The following SORBS2 variants were observed in gnomAD, a reference collection of about 807,000 sequenced individuals.
The protein encoded by SORBS2 is sorbin and SH3 domain containing 2, also known as sorbin and SH3 domain-containing protein 2.
SORBS2 carries 46 observed loss-of-function variants against 97.7 expected under a neutral mutation model. The ratio of observed to expected loss-of-function variants is 0.47; its 90% CI spans 0.37 to 0.60. The LOEUF (loss-of-function observed/expected upper bound fraction) is 0.60, where lower values mean the gene tolerates loss of function less well. Ranked by LOEUF, SORBS2 falls within the 20% of genes least tolerant of loss-of-function variation. The pLI, the probability that SORBS2 is intolerant of heterozygous loss-of-function variation, is 0.00. For synonymous variants in SORBS2, 476 were observed against 473.4 expected (o/e 1.01, Z -0.07); for missense variants, 1,316 against 1,282.3 (o/e 1.03, Z -0.40).
chr4:185,631,265 A>T (rs1441471276), intron 4 of SORBS2, among the ~76,000 whole-genome samples: 2 of 152,268 alleles, frequency 1.3e-5, no homozygotes, highest in Non-Finnish European at 2.9e-5. Flanking sequence ...CTAATGAAGC[A>T]AAATATAACT....
intron 4 of SORBS2, among the ~76,000 whole-genome samples, chr4:185,670,206 A>C (rs1582338537): frequency 6.6e-6 from 1 of 152,226 alleles, no homozygotes; most frequent in East Asian, 1.9e-4. Context: ...GTGACAGAGC[A>C]AGACTCTGTC....
At chr4:185,727,291 C>T (rs952867101) in intron 2 of SORBS2, among the ~76,000 whole-genome samples, 1 of 152,152 alleles carries the variant, frequency 6.6e-6, no homozygotes, top group African/African-American at 2.4e-5. Flanking sequence ...GACCCTATTG[C>T]TTATGCCGTC....
At chr4:185,729,339 A>T (rs933661574) in intron 2 of SORBS2, among the ~76,000 whole-genome samples, 2 of 152,220 alleles carry the variant, frequency 1.3e-5, no homozygotes, top group Non-Finnish European at 2.9e-5. Context: ...CCGCTCAGCA[A>T]ATCCCCGGTT....
At chr4:185,681,637 G>A (rs1307204996) in intron 2 of SORBS2, among the ~76,000 whole-genome samples, 2 of 152,130 alleles carry the variant, frequency 1.3e-5, no homozygotes, top group African/African-American at 2.4e-5. Context: ...TTTTGCATGT[G>A]AATATTTTAA....
At chr4:185,651,720 G>C (rs867514095) in intron 2 of SORBS2, 64 bp downstream of exon 11, 23 of 884,264 alleles carry the variant, frequency 2.6e-5, no homozygotes, top group Middle Eastern at 2.1e-4. Context: ...AAAGGTGACC[G>C]TGTCGTTCTT....
intron 4 of SORBS2, 42 bp from the exon 15 acceptor site, chr4:185,638,204 G>A: frequency 8.4e-7 from 1 of 1,195,484 alleles, no homozygotes; most frequent in Non-Finnish European, 1.2e-6. Context: ...AAGGCACACT[G>A]AGCAAAGTGA....
intron 2 of SORBS2, among the ~76,000 whole-genome samples, chr4:185,756,637 C>A (rs1378092045): frequency 5.3e-5 from 8 of 151,646 alleles, no homozygotes; most frequent in Non-Finnish European, 1.2e-4. Context: ...AGGGATGGAT[C>A]CTGAAGCGGG....
chr4:185,790,704 A>G (rs995179720), intron 1 of SORBS2, among the ~76,000 whole-genome samples: 2 of 152,238 alleles, frequency 1.3e-5, no homozygotes, highest in Admixed American at 1.3e-4. Context: ...TTCATAAACT[A>G]GTCCATTGGT....
At chr4:185,926,303 G>A (rs765051839) in intron 1 of SORBS2, among the ~76,000 whole-genome samples, 3 of 152,242 alleles carry the variant, frequency 2.0e-5, no homozygotes, top group Non-Finnish European at 2.9e-5. Context: ...TCGAACTAGC[G>A]TGGTGGCGGC....
chr4:185,619,325 A>G (rs1222272343), intron 8 of SORBS2, among the ~76,000 whole-genome samples: 1 of 152,078 alleles, frequency 6.6e-6, no homozygotes, highest in African/African-American at 2.4e-5. Context: ...TCACCAACCA[A>G]CAATCCCTTC....
chr4:185,718,280 A>G (rs2098482964), intron 2 of SORBS2, among the ~76,000 whole-genome samples: 1 of 152,198 alleles, frequency 6.6e-6, no homozygotes, highest in Admixed American at 6.5e-5. Flanking sequence ...GCTGGCGCAG[A>G]ACAAATGATT....
chr4:185,925,902 C>T (rs1480239216), intron 1 of SORBS2, among the ~76,000 whole-genome samples: 1 of 152,224 alleles, frequency 6.6e-6, no homozygotes, highest in African/African-American at 2.4e-5. Flanking sequence ...GCATAGAAGT[C>T]TCCTCTGGCA....
At position 185,623,667 on chromosome 4, in the gene SORBS2, T is replaced by C; in HGVS notation, c.1462A>G (p.Thr488Ala). 6.2e-7 allele frequency: 1 copy of C among 1,614,022 alleles called. No homozygotes were observed. Among genetic ancestry groups the C allele is most frequent in the Non-Finnish European group, 8.5e-7 (1 of 1,180,028 alleles). ...TGTGCTCGGGGCTGCTCATCGCTGGTGACTTCAATGTGAATGGGCACCAGG... is the reference window on the plus strand; with the variant it reads ...TGTGCTCGGGGCTGCTCATCGCTGGCGACTTCAATGTGAATGGGCACCAGG... Residue 488 changes from threonine to alanine, a missense_variant, in exon 7 of 15, where the codon ACC (threonine) becomes GCC (alanine). Physicochemically the swap from Thr to Ala is moderately conservative, Grantham distance 58. Coordinates refer to ENST00000418609, the Ensembl canonical transcript of SORBS2. The surrounding 1 kb of genome is among the most constrained non-coding windows in gnomAD (Gnocchi z 6.4).
intron 2 of SORBS2, chr4:185,773,130 G>C (rs1010117437): frequency 6.6e-6 from 1 of 151,790 alleles, no homozygotes; most frequent in Non-Finnish European, 1.5e-5. Context: ...TCTCCAAAAA[G>C]ATTTCATCCT....
chr4:185,891,958 G>A (rs1368645033), intron 1 of SORBS2, among the ~76,000 whole-genome samples: 5 of 151,916 alleles, frequency 3.3e-5, no homozygotes, highest in African/African-American at 9.7e-5. Flanking sequence ...CCTCAGCCTC[G>A]TGAACAGCTA....
rs114135299 is a variant in SORBS2 at position 185,715,871 on chromosome 4, G to C, written c.-197-37049C>G. On this transcript the variant is annotated intron_variant, in intron 2 of 20. Transcript: ENST00000284776. ...CTTAAGTGCTTAATAAATGTTGCTG[G>C]AATGTGTAACAGAATATTCTGAAAG... Among the ~76,000 whole-genome samples, 315 of 152,308 alleles carry C rather than the reference G, an allele frequency of 2.1e-3. 1 individual carries two copies. The highest frequency in any genetic ancestry group is 6.7e-3 in the African/African-American group (280 of 41,574).
rs554684356 is a variant in SORBS2, at chr4:185,783,962, A to G, written c.-337-8596T>C. On this transcript the variant is annotated intron_variant, in intron 1 of 20. Transcript: ENST00000284776. ...AGACACTTCCTTCTGCCTCCTGAGG[A>G]TCCATTTTGCAGCCTTCCTCACTAC... 1.2e-4 allele frequency among the ~76,000 whole-genome samples: 18 copies of G among 152,230 alleles called. No individual in the cohort carries two copies. In the East Asian group the frequency reaches 3.3e-3, roughly 28 times the overall value.
rs554166912 is a variant in SORBS2 at position 185,629,804 on chromosome 4, TC to T, written c.446+744del. On this transcript the variant is annotated intron_variant, in intron 5 of 14. Coordinates refer to ENST00000418609, the Ensembl canonical transcript of SORBS2. ...TCTCAATCTCTTGACCTCATGATCT[TC>T]CCCCCTCAGCCTCCCAACTGCTGGG... Among the ~76,000 whole-genome samples the T allele has an allele frequency of 2.3e-3, 355 of 151,774 alleles. 1 individual carries two copies. Among genetic ancestry groups the T allele is most frequent in the African/African-American group, 8.3e-3 (344 of 41,350 alleles).
chr4:185,667,962 G>T (rs1015050132), intron 4 of SORBS2, among the ~76,000 whole-genome samples: 1 of 151,924 alleles, frequency 6.6e-6, no homozygotes, highest in Non-Finnish European at 1.5e-5. Context: ...TTTGGATAGC[G>T]TCAATGAAAT....
Sources: gnomAD v4.1 joint callset for allele counts (sites outside exome capture counted in the v4.1 genomes callset) on GRCh38, gnomAD v4.1.1 for gene constraint, Gnocchi (gnomAD v3.1) non-coding constraint, MANE v1.5 for transcripts, NCBI Gene and HGNC (gene_info 2026-07-23, HGNC 2026-07-21) for gene names.